AZIN2: variants seen among roughly 807,000 people sequenced by gnomAD.
The protein encoded by AZIN2 is antizyme inhibitor 2.
A neutral mutation model predicts 47.8 loss-of-function variants in AZIN2; 28 were observed. The ratio of observed to expected loss-of-function variants is 0.59; its 90% CI spans 0.43 to 0.80. The LOEUF (loss-of-function observed/expected upper bound fraction) is 0.80. Among genes scored for constraint, AZIN2 ranks in the 30% least tolerant of loss-of-function variants. The pLI is 0.00. For missense variants in AZIN2, 535 were observed against 582.5 expected (o/e 0.92, Z 0.84); for synonymous variants, 221 against 239.4 (o/e 0.92, Z 0.71).
the AZIN2 span, among the ~76,000 whole-genome samples, chr1:33,152,200 G>A: frequency 6.6e-6 from 1 of 152,234 alleles, no homozygotes; most frequent in Non-Finnish European, 1.5e-5. Flanking sequence ...AGAGGAAGCA[G>A]AGTTGGAACT....
the AZIN2 span, chr1:33,165,769 G>T: frequency 2.4e-6 from 1 of 411,172 alleles, no homozygotes; most frequent in Non-Finnish European, 4.3e-6. The surrounding 1 kb of genome is among the most constrained non-coding windows in gnomAD (Gnocchi z 4.0). Context: ...TCTTTCACCT[G>T]CATCTTTGCA....
intron 10 of AZIN2, among the ~76,000 whole-genome samples, chr1:33,104,978 C>T (rs550154121): frequency 3.3e-5 from 5 of 152,150 alleles, no homozygotes; most frequent in East Asian, 1.9e-4. Flanking sequence ...TGAGCCACCA[C>T]GCCTGACCTG....
Position 33,120,250 on chromosome 1 carries a change from A to C in AZIN2, c.*68A>C. The C allele has an allele frequency of 6.5e-7, 1 of 1,537,364 alleles. No homozygotes were observed. The highest frequency in any genetic ancestry group is 1.4e-5 in the African/African-American group (1 of 73,622). Reference sequence around the variant, plus strand: ...GATGCATCTGGGAGAGGTGGGGAAGATGGCAGGCAAGGGTACCCTTGGCCA... The same window carrying C: ...GATGCATCTGGGAGAGGTGGGGAAGCTGGCAGGCAAGGGTACCCTTGGCCA... On this transcript the variant is annotated 3_prime_UTR_variant, in exon 12 of 12. Transcript: ENST00000294517.
chr1:33,165,490 C>T, the AZIN2 span: 4 of 1,607,308 alleles, frequency 2.5e-6, no homozygotes, highest in Non-Finnish European at 1.7e-6. This position sits in a 1 kb window ranked among gnomAD's most constrained non-coding sequence, Gnocchi z 4.0. Flanking sequence ...CGCCAGTTGT[C>T]GCTTGAGCAG....
the AZIN2 span, among the ~76,000 whole-genome samples, chr1:33,155,883 C>T: frequency 6.6e-6 from 1 of 152,198 alleles, no homozygotes; most frequent in Non-Finnish European, 1.5e-5. Flanking sequence ...CTACTAGAAA[C>T]CTGTTTCAGA....
chr1:33,108,951 G>T (rs1471242777), intron 10 of AZIN2, among the ~76,000 whole-genome samples: 2 of 152,216 alleles, frequency 1.3e-5, no homozygotes, highest in African/African-American at 4.8e-5. Flanking sequence ...TTGCCAAACG[G>T]TATTTCAAAG....
the AZIN2 span, chr1:33,147,066 C>A: frequency 5.8e-6 from 7 of 1,200,684 alleles, no homozygotes; most frequent in Non-Finnish European, 7.1e-6. This position sits in a 1 kb window ranked among gnomAD's most constrained non-coding sequence, Gnocchi z 8.1. Context: ...AAACAACTGG[C>A]CTGAGGTCTC....
chr1:33,151,799 A>T, the AZIN2 span, among the ~76,000 whole-genome samples: 338 of 152,344 alleles, frequency 2.2e-3, 2 homozygotes, highest in African/African-American at 7.8e-3. Context: ...AGGTCCCAGG[A>T]GATGTTTCCC....
the AZIN2 span, among the ~76,000 whole-genome samples, chr1:33,132,910 G>C: frequency 6.6e-6 from 1 of 152,266 alleles, no homozygotes; most frequent in East Asian, 1.9e-4. Context: ...CTTCAGAAAA[G>C]CATGGGGGAA....
At chr1:33,108,563 G>A (rs1463100817) in intron 10 of AZIN2, among the ~76,000 whole-genome samples, 1 of 152,072 alleles carries the variant, frequency 6.6e-6, no homozygotes, top group Non-Finnish European at 1.5e-5. Flanking sequence ...AGCTGGTCTT[G>A]AACACCTGAA....
chr1:33,145,635 A>G, the AZIN2 span: 2 of 271,468 alleles, frequency 7.4e-6, no homozygotes, highest in African/African-American at 2.3e-5. Flanking sequence ...AGAGACCCCA[A>G]GTGCAGAATC....
chr1:33,101,727 CTA>C (rs1643713697), intron 10 of AZIN2: 1 of 640,752 alleles, frequency 1.6e-6, no homozygotes, highest in Non-Finnish European at 2.8e-6. Context: ...ACATCTAAAT[CTA>C]TTCCTCGAGT....
intron 10 of AZIN2, chr1:33,101,830 C>G: frequency 1.3e-6 from 1 of 778,898 alleles, no homozygotes; most frequent in Non-Finnish European, 2.4e-6. Context: ...CCTCATATCA[C>G]AGTCTAAGAA....
At chr1:33,127,598 G>C (rs1300842003), downstream of AZIN2, among the ~76,000 whole-genome samples, 1 of 150,064 alleles carries the variant, frequency 6.7e-6, no homozygotes, top group Admixed American at 6.6e-5. Flanking sequence ...GGTAACACCG[G>C]AAGTGGGCTT....
the AZIN2 span, among the ~76,000 whole-genome samples, chr1:33,129,083 C>T: frequency 1.3e-5 from 2 of 152,006 alleles, no homozygotes; most frequent in Admixed American, 6.5e-5. The surrounding 1 kb of genome is among the most constrained non-coding windows in gnomAD (Gnocchi z 4.1). Flanking sequence ...AGGGCACTGG[C>T]GTGTACAAGG....
At chr1:33,119,120 G>A (rs1215645740) in intron 11 of AZIN2, 1 of 152,586 alleles carries the variant, frequency 6.6e-6, no homozygotes, top group Non-Finnish European at 1.5e-5. Flanking sequence ...GGAATTAGAT[G>A]AGAGTTGATG....
the AZIN2 span, among the ~76,000 whole-genome samples, chr1:33,152,410 A>T: frequency 6.6e-6 from 1 of 152,190 alleles, no homozygotes; most frequent in African/African-American, 2.4e-5. Context: ...TACTAAAAAT[A>T]CAAAAAATTA....
chr1:33,154,275 C>G, the AZIN2 span, among the ~76,000 whole-genome samples: 1 of 151,480 alleles, frequency 6.6e-6, no homozygotes, highest in African/African-American at 2.4e-5. Context: ...CCGATTCCCT[C>G]CCCAGTCACT....
the AZIN2 span, among the ~76,000 whole-genome samples, chr1:33,151,405 C>T: frequency 6.6e-6 from 1 of 152,128 alleles, no homozygotes; most frequent in Admixed American, 6.5e-5. Flanking sequence ...CTGAAGCCAC[C>T]TCCAAGGCCT....
Sources: allele counts gnomAD v4.1 joint callset (sites outside exome capture counted in the v4.1 genomes callset), GRCh38; gene constraint gnomAD v4.1.1; non-coding constraint Gnocchi (gnomAD v3.1); transcripts MANE v1.5; gene names NCBI Gene and HGNC (gene_info 2026-07-23, HGNC 2026-07-21).